Variants in TNFRSF19 observed in about 807,000 individuals in gnomAD.
TNFRSF19 encodes the protein tumor necrosis factor receptor superfamily member 19.
TNFRSF19 carries 27 observed loss-of-function variants against 46.4 expected under a neutral mutation model. That is an observed-to-expected ratio of 0.58 (90% CI 0.43 to 0.80). TNFRSF19 has a LOEUF of 0.80. Ranked by LOEUF, TNFRSF19 falls within the 30% of genes least tolerant of loss-of-function variation. The pLI is 0.00. For synonymous variants in TNFRSF19, 204 were observed against 205.0 expected (o/e 1.00, Z 0.04); for missense variants, 511 against 530.8 (o/e 0.96, Z 0.37).
At chr13:23,582,738 G>A (rs1480061516) in intron 1 of TNFRSF19, among the ~76,000 whole-genome samples, 1 of 152,126 alleles carries the variant, frequency 6.6e-6, no homozygotes, top group African/African-American at 2.4e-5. Context: ...TCAAGCCCCT[G>A]ACAACCTCTG....
At chr13:23,618,941 C>T (rs754030228) in intron 4 of TNFRSF19, among the ~76,000 whole-genome samples, 5 of 152,172 alleles carry the variant, frequency 3.3e-5, no homozygotes, top group Admixed American at 6.5e-5. Flanking sequence ...CCTTCTGCCA[C>T]GTAAGGACAC....
At chr13:23,604,589 C>T (rs1057381356) in intron 3 of TNFRSF19, among the ~76,000 whole-genome samples, 3 of 152,100 alleles carry the variant, frequency 2.0e-5, no homozygotes, top group Non-Finnish European at 2.9e-5. Flanking sequence ...TTGACACTAC[C>T]CACATCAAGA....
Position 23,627,812 on chromosome 13 carries a change from T to G in TNFRSF19, c.445+1020T>G, listed in dbSNP as rs561092513. 3.3e-5 allele frequency among the ~76,000 whole-genome samples: 5 copies of G among 152,350 alleles called. No individual in the cohort carries two copies. In the South Asian group the frequency reaches 1.0e-3, roughly 32 times the overall value. ...TAGTGCGTCATTTGATAAGGTCACA[T>G]AGTACTTCTCTTTCCAAGAGTGTCA... On this transcript the variant is annotated intron_variant, in intron 5 of 9. Coordinates refer to ENST00000248484, the MANE Select transcript of TNFRSF19 (RefSeq NM_148957.4).
At chr13:23,581,197 C>T (rs1265779330) in intron 1 of TNFRSF19, among the ~76,000 whole-genome samples, 1 of 150,244 alleles carries the variant, frequency 6.7e-6, no homozygotes, top group Non-Finnish European at 1.5e-5. Flanking sequence ...GCGCTCTGCG[C>T]ACTGCAAGCT....
intron 5 of TNFRSF19, among the ~76,000 whole-genome samples, chr13:23,633,045 A>G (rs1360297015): frequency 6.6e-6 from 1 of 151,688 alleles, no homozygotes; most frequent in Non-Finnish European, 1.5e-5. Context: ...TGATAATTAC[A>G]GTTCTTATTA....
chr13:23,577,034 C>T (rs1878005168), intron 1 of TNFRSF19, among the ~76,000 whole-genome samples: 1 of 152,204 alleles, frequency 6.6e-6, no homozygotes, highest in African/African-American at 2.4e-5. Flanking sequence ...TTGGCCTAAG[C>T]ACTTTAAATA....
In TNFRSF19 at chr13:23,572,269, C is replaced by CT. The variant is rs964738422; in HGVS notation, c.-35+1430dup. ...TTAGTCATGCCAGGAGAGGCATTTG[C>CT]TTTTTTTTTCTAAGAGTACAACAAA... On this transcript the variant is annotated intron_variant, in intron 1 of 9. Transcript: ENST00000248484. Among the ~76,000 whole-genome samples the CT allele has an allele frequency of 7.3e-5, 11 of 150,724 alleles. 1 individual carries two copies. The highest frequency in any genetic ancestry group is 1.3e-4 in the Non-Finnish European group (9 of 67,596).
chr13:23,654,473 C>T (rs1248669379), intron 5 of TNFRSF19, among the ~76,000 whole-genome samples: 1 of 152,096 alleles, frequency 6.6e-6, no homozygotes. Context: ...AATGGGAAGG[C>T]GGAGGACCCC....
intron 5 of TNFRSF19, among the ~76,000 whole-genome samples, chr13:23,642,887 T>A (rs1883109680): frequency 6.6e-6 from 1 of 152,252 alleles, no homozygotes; most frequent in Non-Finnish European, 1.5e-5. Flanking sequence ...CAGGTTCATG[T>A]AAGCCAACTT....
intron 5 of TNFRSF19, among the ~76,000 whole-genome samples, chr13:23,646,820 G>A (rs148391777): frequency 6.6e-6 from 1 of 152,126 alleles, no homozygotes; most frequent in East Asian, 1.9e-4. Context: ...GGACTGTATG[G>A]TAACTTTGTG....
chr13:23,654,553 T>C (rs1883856998), intron 5 of TNFRSF19, among the ~76,000 whole-genome samples: 2 of 152,176 alleles, frequency 1.3e-5, no homozygotes. Flanking sequence ...CTCTGCAGTC[T>C]GGAAAGCCCT....
At chr13:23,647,233 C>G (rs1007533121) in intron 5 of TNFRSF19, among the ~76,000 whole-genome samples, 8 of 152,158 alleles carry the variant, frequency 5.3e-5, no homozygotes, top group African/African-American at 1.9e-4. Context: ...TGTGGGCTGT[C>G]ATTTCATGTC....
At chr13:23,645,934 A>T (rs1272319459) in intron 5 of TNFRSF19, among the ~76,000 whole-genome samples, 1 of 152,168 alleles carries the variant, frequency 6.6e-6, no homozygotes, top group Non-Finnish European at 1.5e-5. Context: ...CCATAAATTA[A>T]TAGACAGCAC....
chr13:23,640,995 C>T (rs559378813), intron 5 of TNFRSF19, among the ~76,000 whole-genome samples: 1 of 152,272 alleles, frequency 6.6e-6, no homozygotes, highest in South Asian at 2.1e-4. Context: ...TAAGTCCAAA[C>T]CCAGGTCGTA....
At chr13:23,658,661 A>C (rs1005010985) in intron 5 of TNFRSF19, among the ~76,000 whole-genome samples, 2 of 152,312 alleles carry the variant, frequency 1.3e-5, no homozygotes, top group African/African-American at 4.8e-5. Flanking sequence ...AATATGGTGT[A>C]ATTCCAATTA....
At chr13:23,663,371 G>T (rs1247251783) in intron 7 of TNFRSF19, among the ~76,000 whole-genome samples, 1 of 152,194 alleles carries the variant, frequency 6.6e-6, no homozygotes, top group Non-Finnish European at 1.5e-5. Flanking sequence ...AAGCCTGCTT[G>T]ATCGTGGTGG....
chr13:23,600,240 A>C (rs1880036619), intron 3 of TNFRSF19, among the ~76,000 whole-genome samples: 2 of 152,194 alleles, frequency 1.3e-5, no homozygotes. Context: ...CAGGAAGTAA[A>C]AAGCTGAACA....
At chr13:23,620,263 T>G (rs1881566445) in intron 4 of TNFRSF19, among the ~76,000 whole-genome samples, 1 of 152,178 alleles carries the variant, frequency 6.6e-6, no homozygotes, top group Non-Finnish European at 1.5e-5. Flanking sequence ...AAATGCATAT[T>G]GCTCCCCAAA....
rs1565956741 is a variant in TNFRSF19, at chr13:23,668,976, T to C, written c.1124T>C (p.Leu375Ser). The change falls in exon 9 of 10, where the codon TTA (leucine) becomes TCA (serine). Residue 375 changes from leucine (L) to serine (S), a missense_variant. Physicochemically the swap from Leu to Ser is moderately radical, Grantham distance 145. Around this residue, in one of 3 missense-constraint regions of TNFRSF19, gnomAD observed 376 missense variants for 372.7 expected, o/e 1.01. Transcript: ENST00000248484. Reference sequence around the variant, plus strand: ...GAAAACTTTACAGCAGCTACTGATTTATCTAGATATAACAACACACTGGTA... The same window carrying C: ...GAAAACTTTACAGCAGCTACTGATTCATCTAGATATAACAACACACTGGTA... ...HSENFTAATD[L>S]SRYNNTLVES... 1.2e-6 allele frequency: 2 copies of C among 1,614,218 alleles called. No homozygotes were observed. Among genetic ancestry groups the C allele is most frequent in the Non-Finnish European group, 1.7e-6 (2 of 1,180,044 alleles).
Sources: allele counts gnomAD v4.1 joint callset (sites outside exome capture counted in the v4.1 genomes callset), GRCh38; gene constraint gnomAD v4.1.1; regional missense constraint gnomAD v4.1.1; transcripts MANE v1.5; gene names NCBI Gene and HGNC (gene_info 2026-07-23, HGNC 2026-07-21).